The following CLEC2A variants were observed in gnomAD, a reference collection of about 807,000 sequenced individuals.
CLEC2A encodes the protein keratinocyte-associated C-type lectin.
Under a neutral mutation model 18.6 loss-of-function variants are expected in CLEC2A, and 19 were observed. The observed-to-expected ratio is 1.02, with a 90% confidence interval of 0.71 to 1.50. The LOEUF is 1.50. Among genes scored for constraint, CLEC2A ranks in the 40% most tolerant of loss-of-function variants. The probability of loss-of-function intolerance (pLI) is 0.00; values close to 1 mark genes in which losing one functional copy is unlikely to be tolerated. For synonymous variants in CLEC2A, 74 were observed against 64.0 expected, an observed-to-expected ratio of 1.16 and a Z score of -0.75; for missense variants, 190 against 207.9, an observed-to-expected ratio of 0.91 and a Z score of 0.53.
downstream of CLEC2A, among the ~76,000 whole-genome samples, chr12:9,909,094 C>T (rs1393659050): frequency 1.3e-5 from 2 of 152,172 alleles, no homozygotes; most frequent in African/African-American, 4.8e-5. Flanking sequence ...GAAGCTTTAA[C>T]ATTCCTTGTC....
intron 2 of CLEC2A, among the ~76,000 whole-genome samples, chr12:9,922,670 GA>G (rs1863193636): frequency 6.6e-6 from 1 of 152,154 alleles, no homozygotes; most frequent in Non-Finnish European, 1.5e-5. Context: ...ACACATAAGT[GA>G]AACATAAGAA....
intron 4 of CLEC2A, among the ~76,000 whole-genome samples, chr12:9,903,091 A>G (rs1862858530): frequency 6.6e-6 from 1 of 152,156 alleles, no homozygotes; most frequent in Admixed American, 6.5e-5. Flanking sequence ...GAGTACAAGA[A>G]GTTTTGGCCT....
chr12:9,878,329 C>T, the CLEC2A span, among the ~76,000 whole-genome samples: 2 of 152,078 alleles, frequency 1.3e-5, no homozygotes, highest in African/African-American at 4.8e-5. Context: ...TATTGAGTAT[C>T]TCAACCCTTA....
Position 9,913,459 on chromosome 12 carries a change from C to T in CLEC2A, c.*107G>A. The T allele has an allele frequency of 7.0e-7, 1 of 1,437,162 alleles. No individual in the cohort carries two copies. The highest frequency in any genetic ancestry group is 1.5e-5 in the South Asian group (1 of 64,832). 89.0% of individuals were successfully genotyped at this position (1,437,162 alleles called of 1,614,324 possible). ...CTATAAACTAGAAAATGGGCCCTCA[C>T]CAGAGGTTCCGTATTCTGTAACAGA... On this transcript the variant is annotated 3_prime_UTR_variant, in exon 5 of 5. Coordinates refer to ENST00000455827, the MANE Select transcript of CLEC2A (RefSeq NM_001130711.2).
chr12:9,924,911 C>G (rs1021038959), intron 2 of CLEC2A, among the ~76,000 whole-genome samples: 1 of 152,190 alleles, frequency 6.6e-6, no homozygotes. Context: ...AAGATATCTT[C>G]TCTATACCAG....
intron 4 of CLEC2A, among the ~76,000 whole-genome samples, chr12:9,901,400 TG>T (rs1862827454): frequency 6.6e-6 from 1 of 152,220 alleles, no homozygotes; most frequent in African/African-American, 2.4e-5. Context: ...CAAAGAAGTT[TG>T]GTTATTTCCG....
chr12:9,889,976 T>C, the CLEC2A span, among the ~76,000 whole-genome samples: 1 of 152,112 alleles, frequency 6.6e-6, no homozygotes, highest in Non-Finnish European at 1.5e-5. Flanking sequence ...TACATAAATA[T>C]ACATGAAAGT....
chr12:9,920,921 G>A (rs116934934), intron 3 of CLEC2A, among the ~76,000 whole-genome samples: 1 of 152,018 alleles, frequency 6.6e-6, no homozygotes, highest in African/African-American at 2.4e-5. Context: ...AATTGAAAAG[G>A]GTTTAAAAAA....
downstream of CLEC2A, among the ~76,000 whole-genome samples, chr12:9,909,906 G>A (rs1394486631): frequency 6.6e-6 from 1 of 152,042 alleles, no homozygotes; most frequent in African/African-American, 2.4e-5. Flanking sequence ...AGATGGTCTA[G>A]GGGATCCCAT....
the CLEC2A span, among the ~76,000 whole-genome samples, chr12:9,889,576 G>A: frequency 3.3e-5 from 5 of 151,852 alleles, no homozygotes; most frequent in East Asian, 3.9e-4. Flanking sequence ...TATTCTGTGC[G>A]TTTTGGACTT....
At chr12:9,898,591 A>C (rs932659779), downstream of CLEC2A, 1 of 245,578 alleles carries the variant, frequency 4.1e-6, no homozygotes, top group Non-Finnish European at 7.9e-6. Context: ...AACCCCTGGC[A>C]TGTTGGTAAG....
the CLEC2A span, among the ~76,000 whole-genome samples, chr12:9,883,183 T>C: frequency 6.6e-6 from 1 of 152,212 alleles, no homozygotes; most frequent in African/African-American, 2.4e-5. Flanking sequence ...CAGTTCACAT[T>C]GTGTATAAGA....
At chr12:9,896,869 T>C (rs570974496), downstream of CLEC2A, among the ~76,000 whole-genome samples, 3 of 151,126 alleles carry the variant, frequency 2.0e-5, no homozygotes, top group Non-Finnish European at 4.4e-5. Context: ...TTTTTTTTTT[T>C]TTTTTTTTGA....
At chr12:9,922,981 G>A (rs1863198900) in intron 2 of CLEC2A, among the ~76,000 whole-genome samples, 1 of 152,124 alleles carries the variant, frequency 6.6e-6, no homozygotes, top group Admixed American at 6.5e-5. Context: ...TACACAGGGT[G>A]TAAGATATAA....
chr12:9,923,678 C>T (rs1863212257), intron 2 of CLEC2A, among the ~76,000 whole-genome samples: 1 of 152,098 alleles, frequency 6.6e-6, no homozygotes, highest in South Asian at 2.1e-4. Context: ...GGAACCAAAC[C>T]AAGTGCCCAT....
chr12:9,916,243 A>G (rs1017051559), intron 4 of CLEC2A, among the ~76,000 whole-genome samples: 1 of 152,250 alleles, frequency 6.6e-6, no homozygotes, highest in Non-Finnish European at 1.5e-5. Context: ...CAACAAATAA[A>G]TAAAAACAAG....
chr12:9,925,841 G>A (rs1283840310), intron 2 of CLEC2A, among the ~76,000 whole-genome samples: 1 of 151,984 alleles, frequency 6.6e-6, no homozygotes, highest in Admixed American at 6.6e-5. Flanking sequence ...TTGTCTAACC[G>A]ACCACCTGCT....
intron 3 of CLEC2A, among the ~76,000 whole-genome samples, chr12:9,918,127 AT>A (rs897904736): frequency 2.5e-4 from 38 of 150,004 alleles, no homozygotes; most frequent in African/African-American, 8.8e-4. Context: ...CAATTTTTGC[AT>A]TTTTTTTTAC....
At chr12:9,889,525 G>T in the CLEC2A span, among the ~76,000 whole-genome samples, 9 of 152,230 alleles carry the variant, frequency 5.9e-5, no homozygotes, top group East Asian at 1.7e-3. Flanking sequence ...TCAGACTGAA[G>T]ATATAATATT....
Sources: allele counts gnomAD v4.1 joint callset (sites outside exome capture counted in the v4.1 genomes callset), GRCh38; gene constraint gnomAD v4.1.1; transcripts MANE v1.5; gene names NCBI Gene and HGNC (gene_info 2026-07-23, HGNC 2026-07-21).